Variants in CADPS2 observed in about 807,000 individuals in gnomAD.
The protein encoded by CADPS2 is calcium dependent secretion activator 2.
Under a neutral mutation model 172.5 loss-of-function variants are expected in CADPS2, and 93 were observed. That is an observed-to-expected ratio of 0.54 (90% confidence interval 0.46 to 0.64). The LOEUF is 0.64. CADPS2 is among the 30% of genes least tolerant of loss of function. The probability of loss-of-function intolerance (pLI) is 0.00; values close to 1 mark genes in which losing one functional copy is unlikely to be tolerated. For synonymous variants in CADPS2, 546 were observed against 555.2 expected (o/e 0.98, Z 0.23); for missense variants, 1,420 against 1,565.9 (o/e 0.91, Z 1.57).
chr7:122,722,888 A>T (rs562373457), intron 2 of CADPS2, among the ~76,000 whole-genome samples: 1 of 151,748 alleles, frequency 6.6e-6, no homozygotes, highest in Non-Finnish European at 1.5e-5. Context: ...CATCTACAAC[A>T]GTCTGATCTT....
chr7:122,765,178 A>G, intron 1 of CADPS2, among the ~76,000 whole-genome samples: 1 of 152,174 alleles, frequency 6.6e-6, no homozygotes, highest in East Asian at 1.9e-4. Flanking sequence ...TGGACAGATC[A>G]AGATTTAGAA....
intron 3 of CADPS2, among the ~76,000 whole-genome samples, chr7:122,657,602 T>C (rs1464615303): frequency 6.6e-6 from 1 of 152,186 alleles, no homozygotes. Context: ...GTGATTTGGC[T>C]CTCTGTTTGT....
chr7:122,372,889 A>T (rs542196102), intron 25 of CADPS2, among the ~76,000 whole-genome samples: 1 of 152,168 alleles, frequency 6.6e-6, no homozygotes, highest in Non-Finnish European at 1.5e-5. Context: ...CCTGATTCTC[A>T]CTAATTAATT....
rs763695995 is a variant in CADPS2, at chr7:122,581,252, C to A, written c.1262G>T (p.Arg421Leu). 1 of 1,613,056 alleles carries A rather than the reference C, an allele frequency of 6.2e-7. No individual in the cohort carries two copies. The highest frequency in any genetic ancestry group is 8.5e-7 in the Non-Finnish European group (1 of 1,179,374). The change falls in exon 7 of 30, where the codon CGG becomes CTG. Residue 421 changes from arginine (R) to leucine (L), a missense_variant. Physicochemically the swap from Arg to Leu is moderately radical, Grantham distance 102. Coordinates refer to ENST00000449022, the MANE Select transcript of CADPS2 (RefSeq NM_017954.11). ...TQGDFTTTHP[R>L]PVVKVKLFTE... ...GAAGAGTTTCACTTTGACCACAGGCCGAGGATGGGTGGTGGTGAAATCTCC... is the reference window on the plus strand; with the variant it reads ...GAAGAGTTTCACTTTGACCACAGGCAGAGGATGGGTGGTGGTGAAATCTCC...
chr7:122,725,624 T>C (rs1301108233), intron 2 of CADPS2, among the ~76,000 whole-genome samples: 2 of 140,998 alleles, frequency 1.4e-5, no homozygotes, highest in Non-Finnish European at 3.0e-5. Flanking sequence ...TCAGAATGGC[T>C]TATTACTAAA....
Position 122,416,179 on chromosome 7 carries a change from A to C in CADPS2, c.2477-15T>G. The C allele has an allele frequency of 6.9e-7, 1 of 1,441,808 alleles. No individual in the cohort carries two copies. Among genetic ancestry groups the C allele is most frequent in the African/African-American group, 1.4e-5 (1 of 71,512 alleles). 89.3% of individuals were successfully genotyped at this position (1,441,808 alleles called of 1,614,324 possible). On this transcript the variant is annotated splice_polypyrimidine_tract_variant and intron_variant, in intron 17 of 29. Transcript: ENST00000449022. ...GTTCATGGTCTCTATATGAAAAAAA[A>C]TCATAATCATGTTACCTTGAAAATA...
intron 1 of CADPS2, among the ~76,000 whole-genome samples, chr7:122,872,997 A>G (rs1449893716): frequency 1.3e-5 from 2 of 152,058 alleles, no homozygotes; most frequent in African/African-American, 4.8e-5. Context: ...GAAGAGTTAT[A>G]TTGTTTCACC....
At chr7:122,491,852 G>A (rs1275033424) in intron 9 of CADPS2, among the ~76,000 whole-genome samples, 1 of 152,042 alleles carries the variant, frequency 6.6e-6, no homozygotes, top group Non-Finnish European at 1.5e-5. Context: ...ATAAACATGG[G>A]ACCACATTTT....
intron 20 of CADPS2, among the ~76,000 whole-genome samples, chr7:122,402,403 C>A (rs993387556): frequency 6.6e-6 from 1 of 152,152 alleles, no homozygotes; most frequent in Non-Finnish European, 1.5e-5. Flanking sequence ...TGCTGTCAAG[C>A]CCCCCGCCCG....
intron 1 of CADPS2, among the ~76,000 whole-genome samples, chr7:122,799,470 G>C (rs1797103157): frequency 6.6e-6 from 1 of 151,972 alleles, no homozygotes; most frequent in Non-Finnish European, 1.5e-5. Flanking sequence ...GGGCGTGGTG[G>C]TGGGCGCCTG....
chr7:122,707,306 T>C (rs1245401789), intron 2 of CADPS2, among the ~76,000 whole-genome samples: 1 of 151,954 alleles, frequency 6.6e-6, no homozygotes, highest in Non-Finnish European at 1.5e-5. Context: ...TATATATGCA[T>C]GTATCCTATA....
At chr7:122,878,824 T>C (rs1463726461) in intron 1 of CADPS2, among the ~76,000 whole-genome samples, 1 of 152,122 alleles carries the variant, frequency 6.6e-6, no homozygotes, top group Non-Finnish European at 1.5e-5. Flanking sequence ...TCTTACTATA[T>C]CCTCGGAACA....
At chr7:122,515,015 A>G (rs1042816234) in intron 8 of CADPS2, among the ~76,000 whole-genome samples, 3 of 152,176 alleles carry the variant, frequency 2.0e-5, no homozygotes, top group Non-Finnish European at 4.4e-5. Context: ...GAAAATTCAC[A>G]GAAATTTTCA....
At chr7:122,593,226 T>C (rs2071180444) in intron 6 of CADPS2, among the ~76,000 whole-genome samples, 4 of 151,946 alleles carry the variant, frequency 2.6e-5, no homozygotes, top group Admixed American at 6.6e-5. Flanking sequence ...CATGGCAATA[T>C]ATAAAAGATA....
rs575057558 is a variant in CADPS2 at position 122,603,360 on chromosome 7, G to A, written c.1223+11821C>T. ...TTGGTACTGTTAAAGACACTCAATC[G>A]TTTATTAAGTGTGAAACTCCTCCTG... is the stretch of plus-strand genomic sequence containing the variant. On this transcript the variant is annotated intron_variant, in intron 6 of 29. Coordinates refer to ENST00000449022, the MANE Select transcript of CADPS2 (RefSeq NM_017954.11). 4.0e-5 allele frequency among the ~76,000 whole-genome samples: 6 copies of A among 151,752 alleles called. No homozygotes were observed. The South Asian group carries it at 6.2e-4, about 16-fold the overall frequency.
At chr7:122,378,402 T>A (rs1212711157) in intron 25 of CADPS2, among the ~76,000 whole-genome samples, 1 of 152,194 alleles carries the variant, frequency 6.6e-6, no homozygotes, top group African/African-American at 2.4e-5. Flanking sequence ...AAACTGAATG[T>A]TACTTTAAAA....
At chr7:122,811,203 G>C (rs1165595650) in intron 1 of CADPS2, among the ~76,000 whole-genome samples, 1 of 152,158 alleles carries the variant, frequency 6.6e-6, no homozygotes, top group East Asian at 1.9e-4. Flanking sequence ...AATTCTTCTA[G>C]TAACACCCTG....
At chr7:122,818,440 G>A (rs554318363) in intron 1 of CADPS2, among the ~76,000 whole-genome samples, 17 of 151,938 alleles carry the variant, frequency 1.1e-4, no homozygotes, top group African/African-American at 2.7e-4. Flanking sequence ...TCTTTTACAC[G>A]TCAGTCCCTT....
At chr7:122,538,480 T>G (rs1328542372) in intron 8 of CADPS2, among the ~76,000 whole-genome samples, 3 of 151,632 alleles carry the variant, frequency 2.0e-5, no homozygotes, top group Admixed American at 2.0e-4. Context: ...AAATTTTATT[T>G]AATTTTAAAA....
Sources: allele counts gnomAD v4.1 joint callset (sites outside exome capture counted in the v4.1 genomes callset), GRCh38; gene constraint gnomAD v4.1.1; transcripts MANE v1.5; gene names NCBI Gene and HGNC (gene_info 2026-07-23, HGNC 2026-07-21).